UBE2E1: variants seen among roughly 807,000 people sequenced by gnomAD.
The protein encoded by UBE2E1 is ubiquitin conjugating enzyme E2 E1.
A neutral mutation model predicts 21.4 loss-of-function variants in UBE2E1; 6 were observed. That is an observed-to-expected ratio of 0.28 (90% confidence interval 0.15 to 0.55). The LOEUF is 0.55. UBE2E1 is among the 20% of genes least tolerant of loss of function. The pLI is 0.93. For synonymous variants in UBE2E1, 87 were observed against 82.7 expected (o/e 1.05, Z -0.28); for missense variants, 142 against 236.5 (o/e 0.60, Z 2.62).
chr3:23,868,930 G>GT (rs1179734101), intron 3 of UBE2E1, among the ~76,000 whole-genome samples: 1 of 152,066 alleles, frequency 6.6e-6, no homozygotes, highest in Non-Finnish European at 1.5e-5. Context: ...TTTAAGAGCT[G>GT]TACAGTATAC....
chr3:23,852,211 C>A (rs1434003810), intron 3 of UBE2E1, among the ~76,000 whole-genome samples: 1 of 152,146 alleles, frequency 6.6e-6, no homozygotes, highest in African/African-American at 2.4e-5. Context: ...TTAGATACTC[C>A]TTTATAGCAA....
intron 3 of UBE2E1, among the ~76,000 whole-genome samples, chr3:23,856,655 T>C (rs1700446505): frequency 6.6e-6 from 1 of 152,130 alleles, no homozygotes; most frequent in South Asian, 2.1e-4. Flanking sequence ...GCATCTCTCT[T>C]TTCATACCAC....
intron 3 of UBE2E1, among the ~76,000 whole-genome samples, chr3:23,822,098 G>A (rs757125207): frequency 6.6e-6 from 1 of 152,092 alleles, no homozygotes; most frequent in Non-Finnish European, 1.5e-5. Context: ...AAGAGAGTGT[G>A]GTATTAGAAA....
At chr3:23,814,029 A>G (rs1699458409) in intron 3 of UBE2E1, among the ~76,000 whole-genome samples, 2 of 152,178 alleles carry the variant, frequency 1.3e-5, no homozygotes, top group Admixed American at 6.5e-5. Flanking sequence ...GTCAGCATTC[A>G]GTGTGTAGTT....
Position 23,816,566 on chromosome 3 carries a change from G to T in UBE2E1, c.203+5056G>T, listed in dbSNP as rs188024509. On this transcript the variant is annotated intron_variant, in intron 3 of 5. Coordinates refer to ENST00000306627, the MANE Select transcript of UBE2E1 (RefSeq NM_003341.5). This position sits in a 1 kb window ranked among gnomAD's most constrained non-coding sequence, Gnocchi z 4.8. ...CTAAAAATACAAAAAAATTAGCCGG[G>T]CATGGTGGCGGGCACCTGTAGTCCC... Among the ~76,000 whole-genome samples, 331 of 152,246 alleles carry T rather than the reference G, an allele frequency of 2.2e-3. 1 individual carries two copies. The highest frequency in any genetic ancestry group is 7.8e-3 in the African/African-American group (324 of 41,544).
At chr3:23,848,424 C>A (rs577641518) in intron 3 of UBE2E1, among the ~76,000 whole-genome samples, 1 of 151,274 alleles carries the variant, frequency 6.6e-6, no homozygotes, top group African/African-American at 2.4e-5. Flanking sequence ...GAGCTGAGAT[C>A]GTGCCCCTGC....
At chr3:23,872,891 C>G (rs1700834480) in intron 3 of UBE2E1, among the ~76,000 whole-genome samples, 1 of 152,030 alleles carries the variant, frequency 6.6e-6, no homozygotes, top group Non-Finnish European at 1.5e-5. Flanking sequence ...GTGGCGCATG[C>G]CTGTAGTCCC....
At chr3:23,832,983 G>A (rs1699901088) in intron 3 of UBE2E1, among the ~76,000 whole-genome samples, 1 of 152,172 alleles carries the variant, frequency 6.6e-6, no homozygotes, top group Non-Finnish European at 1.5e-5. Context: ...GCAGTGAGCT[G>A]TGTTTGTGCC....
chr3:23,830,394 A>G (rs943417872), intron 3 of UBE2E1, among the ~76,000 whole-genome samples: 1 of 147,152 alleles, frequency 6.8e-6, no homozygotes, highest in Non-Finnish European at 1.5e-5. Context: ...TTTAAGAGTT[A>G]TACCAGTCGG....
chr3:23,847,695 C>T (rs1207117204), intron 3 of UBE2E1, among the ~76,000 whole-genome samples: 1 of 151,820 alleles, frequency 6.6e-6, no homozygotes, highest in East Asian at 1.9e-4. Flanking sequence ...CGGGGTTTCA[C>T]CGTGTTAGCC....
At chr3:23,866,807 A>T (rs1700666806) in intron 3 of UBE2E1, among the ~76,000 whole-genome samples, 1 of 152,178 alleles carries the variant, frequency 6.6e-6, no homozygotes, top group Non-Finnish European at 1.5e-5. Context: ...AGATCACAAG[A>T]TTTTCTTGTT....
chr3:23,884,918 GTTA>G (rs962335045), intron 3 of UBE2E1, among the ~76,000 whole-genome samples: 2 of 152,232 alleles, frequency 1.3e-5, no homozygotes, highest in South Asian at 2.1e-4. Flanking sequence ...CTGTATTAGT[GTTA>G]TTTTCATATA....
At chr3:23,825,628 G>T (rs955596269) in intron 3 of UBE2E1, among the ~76,000 whole-genome samples, 2 of 152,174 alleles carry the variant, frequency 1.3e-5, no homozygotes, top group African/African-American at 4.8e-5. Context: ...CCACATTGGG[G>T]AAATGACCCT....
intron 3 of UBE2E1, among the ~76,000 whole-genome samples, chr3:23,855,481 A>T (rs931243884): frequency 6.6e-6 from 1 of 152,198 alleles, no homozygotes; most frequent in Admixed American, 6.5e-5. Flanking sequence ...TTAAGCAGTC[A>T]TTATTTCTTT....
intron 1 of UBE2E1, chr3:23,807,017 A>G: frequency 2.6e-6 from 1 of 387,018 alleles, no homozygotes. Flanking sequence ...TCCTAGCTCC[A>G]GACCGTTTTC....
chr3:23,822,281 A>G (rs1432746626), intron 3 of UBE2E1, among the ~76,000 whole-genome samples: 1 of 152,228 alleles, frequency 6.6e-6, no homozygotes, highest in Non-Finnish European at 1.5e-5. Context: ...AATGATTTTC[A>G]AGAATGAAAA....
intron 3 of UBE2E1, among the ~76,000 whole-genome samples, chr3:23,880,309 G>C (rs567265712): frequency 1.3e-4 from 20 of 151,398 alleles, no homozygotes; most frequent in African/African-American, 4.1e-4. Flanking sequence ...CTTGAACCTG[G>C]GAGGCAGAGG....
At chr3:23,845,522 T>C (rs1700177196) in intron 3 of UBE2E1, among the ~76,000 whole-genome samples, 1 of 151,796 alleles carries the variant, frequency 6.6e-6, no homozygotes, top group Non-Finnish European at 1.5e-5. Flanking sequence ...TTGTTAAAAA[T>C]GGAAATTCCT....
chr3:23,872,960 T>G (rs570699634), intron 3 of UBE2E1, among the ~76,000 whole-genome samples: 1 of 151,742 alleles, frequency 6.6e-6, no homozygotes, highest in South Asian at 2.1e-4. Context: ...GAGGTTGCAG[T>G]GAGCCTAGAT....
Sources: allele counts gnomAD v4.1 joint callset (sites outside exome capture counted in the v4.1 genomes callset), GRCh38; gene constraint gnomAD v4.1.1; non-coding constraint Gnocchi (gnomAD v3.1); transcripts MANE v1.5; gene names NCBI Gene and HGNC (gene_info 2026-07-23, HGNC 2026-07-21).